STPG2: variants seen among roughly 807,000 people sequenced by gnomAD.
The protein encoded by STPG2 is sperm-tail PG-rich repeat-containing protein 2.
A neutral mutation model predicts 54.2 loss-of-function variants in STPG2; 56 were observed. The ratio of observed to expected loss-of-function variants is 1.03; its 90% CI spans 0.83 to 1.29. The LOEUF is 1.29. Ranked by LOEUF, STPG2 falls within the 50% of genes most tolerant of loss-of-function variation. The pLI is 0.00. For missense variants in STPG2, 596 were observed against 544.9 expected (o/e 1.09, Z -0.93); for synonymous variants, 200 against 181.8 (o/e 1.10, Z -0.81).
At chr4:97,795,883 A>C (rs1727156882) in intron 9 of STPG2, among the ~76,000 whole-genome samples, 1 of 152,064 alleles carries the variant, frequency 6.6e-6, no homozygotes, top group Non-Finnish European at 1.5e-5. Context: ...CTTTTTAATG[A>C]CCACCATTCT....
intron 5 of STPG2, among the ~76,000 whole-genome samples, chr4:98,016,252 T>A (rs371653426): frequency 1.8e-4 from 28 of 152,268 alleles, no homozygotes; most frequent in Admixed American, 5.2e-4. Flanking sequence ...TGACTATCCA[T>A]TTGTGTTTAA....
chr4:97,569,276 G>A (rs1377895016), intron 10 of STPG2, among the ~76,000 whole-genome samples: 2 of 152,138 alleles, frequency 1.3e-5, no homozygotes, highest in Non-Finnish European at 2.9e-5. Flanking sequence ...TCCTGGGAGT[G>A]TGTTTTAGCA....
chr4:97,716,295 C>T (rs998924067), intron 9 of STPG2, among the ~76,000 whole-genome samples: 2 of 152,094 alleles, frequency 1.3e-5, no homozygotes, highest in Non-Finnish European at 2.9e-5. Context: ...TGTGGCAATT[C>T]CTCAAGGATC....
intron 10 of STPG2, among the ~76,000 whole-genome samples, chr4:97,668,192 A>G (rs967008170): frequency 3.3e-5 from 5 of 152,116 alleles, no homozygotes; most frequent in African/African-American, 1.2e-4. Context: ...AAAAGTGGGT[A>G]AGGTATTCAA....
At chr4:97,873,143 T>A (rs917531486) in intron 8 of STPG2, among the ~76,000 whole-genome samples, 1 of 151,168 alleles carries the variant, frequency 6.6e-6, no homozygotes, top group Non-Finnish European at 1.5e-5. Context: ...AAATTATATC[T>A]CCAATTTCAA....
intron 10 of STPG2, among the ~76,000 whole-genome samples, chr4:97,649,075 T>C (rs1176475946): frequency 6.6e-6 from 1 of 152,132 alleles, no homozygotes; most frequent in African/African-American, 2.4e-5. Flanking sequence ...TCACTAATTG[T>C]CAGAAAATGC....
chr4:97,867,127 C>T (rs896785484), intron 8 of STPG2, among the ~76,000 whole-genome samples: 1 of 151,966 alleles, frequency 6.6e-6, no homozygotes, highest in African/African-American at 2.4e-5. Flanking sequence ...AGTACTGACA[C>T]AAGCCTGTAA....
chr4:98,082,772 A>G (rs1738389508), intron 5 of STPG2, among the ~76,000 whole-genome samples: 1 of 151,714 alleles, frequency 6.6e-6, no homozygotes, highest in South Asian at 2.1e-4. Context: ...TAATAAGTCA[A>G]ACATTTCCTA....
Position 97,749,577 on chromosome 4 carries a change from A to G in STPG2, c.1205-36763T>C, listed in dbSNP as rs564479755. 2.6e-5 allele frequency among the ~76,000 whole-genome samples: 4 copies of G among 151,858 alleles called. 1 individual carries two copies. The East Asian group carries it at 5.8e-4, about 22-fold the overall frequency. On this transcript the variant is annotated intron_variant, in intron 9 of 10. Coordinates refer to ENST00000295268, the MANE Select transcript of STPG2 (RefSeq NM_174952.3). The stretch of plus-strand genomic sequence containing the variant: ...TAAAAGTAGGCCAAAGTAAAAAAAT[A>G]TTTGAGTGATTTATTTTAGAGTAAC...
At chr4:97,491,836 T>C (rs960091192) in intron 4 of STPG2, among the ~76,000 whole-genome samples, 2 of 151,462 alleles carry the variant, frequency 1.3e-5, no homozygotes, top group Non-Finnish European at 3.0e-5. Flanking sequence ...AGAAGAAAAG[T>C]AACATGATCA....
intron 10 of STPG2, among the ~76,000 whole-genome samples, chr4:97,584,700 C>G (rs557147404): frequency 6.6e-6 from 1 of 151,696 alleles, no homozygotes; most frequent in Non-Finnish European, 1.5e-5. Flanking sequence ...AGATATTACA[C>G]CAATACAGCA....
chr4:97,924,117 C>A (rs1392357537), intron 8 of STPG2, among the ~76,000 whole-genome samples: 3 of 152,208 alleles, frequency 2.0e-5, no homozygotes, highest in Admixed American at 2.0e-4. Flanking sequence ...CGAAGGTCTG[C>A]AGCTTCACTC....
Position 97,972,292 on chromosome 4 carries a change from A to C in STPG2, c.921T>G (p.Pro307=), listed in dbSNP as rs763351932. 4.4e-6 allele frequency: 7 copies of C among 1,581,242 alleles called. No homozygotes were observed. The African/African-American group carries it at 5.5e-5, about 12-fold the overall frequency. ...VQKEACATPG[P]ADYQEFWHSQ... ...ATGAATGTATTACCTGATAATCAGC[A>C]GGTCCAGGGGTAGCACAAGCTTCTT... Residue 307 remains proline, a synonymous_variant, in exon 7 of 11, where the codon CCT becomes CCG. Coordinates refer to ENST00000295268, the MANE Select transcript of STPG2 (RefSeq NM_174952.3).
chr4:97,940,845 T>C (rs187014025), intron 8 of STPG2, among the ~76,000 whole-genome samples: 347 of 151,354 alleles, frequency 2.3e-3, no homozygotes, highest in Middle Eastern at 6.8e-3. Context: ...GAATATGTCA[T>C]ACATGAGCTA....
chr4:97,922,887 C>T (rs1017676424), intron 8 of STPG2, among the ~76,000 whole-genome samples: 1 of 117,154 alleles, frequency 8.5e-6, no homozygotes, highest in Non-Finnish European at 1.7e-5. Context: ...AACTTTATAA[C>T]ATGAGTATTT....
intron 10 of STPG2, among the ~76,000 whole-genome samples, chr4:97,668,348 G>A (rs186430708): frequency 6.6e-6 from 1 of 152,238 alleles, no homozygotes; most frequent in African/African-American, 2.4e-5. Flanking sequence ...CATCTTGATG[G>A]CTAGGCTAAG....
chr4:97,480,335 A>C (rs1730187347), intron 4 of STPG2, among the ~76,000 whole-genome samples: 1 of 151,686 alleles, frequency 6.6e-6, no homozygotes. Flanking sequence ...AAGAAAACAA[A>C]AAATGAAATG....
intron 9 of STPG2, among the ~76,000 whole-genome samples, chr4:97,835,360 C>T (rs2149116378): frequency 6.6e-6 from 1 of 152,248 alleles, no homozygotes; most frequent in African/African-American, 2.4e-5. Flanking sequence ...TAATCCACCC[C>T]TTGTTTAGTA....
At chr4:98,010,681 T>G (rs891783358) in intron 5 of STPG2, among the ~76,000 whole-genome samples, 2 of 152,188 alleles carry the variant, frequency 1.3e-5, no homozygotes, top group African/African-American at 4.8e-5. Flanking sequence ...TTTGCTGATT[T>G]TTTTCTGGTT....
Sources: gnomAD v4.1 joint callset for allele counts (sites outside exome capture counted in the v4.1 genomes callset) on GRCh38, gnomAD v4.1.1 for gene constraint, MANE v1.5 for transcripts, NCBI Gene and HGNC (gene_info 2026-07-23, HGNC 2026-07-21) for gene names.